OR2I1: variants seen among roughly 807,000 people sequenced by gnomAD.
OR2I1 encodes putative olfactory receptor 2I1.
At chr6:29,554,485 CTCTGCA>C in the OR2I1 span, 1 of 219,170 alleles carries the variant, frequency 4.6e-6, no homozygotes, top group Admixed American at 5.8e-5. Flanking sequence ...ACCTCTTGGT[CTCTGCA>C]ATCAGAAGTC....
At chr6:29,553,385 C>T in the OR2I1 span, 3 of 398,848 alleles carry the variant, frequency 7.5e-6, no homozygotes, top group East Asian at 3.6e-5. Context: ...CGCCTGCACA[C>T]GCCCATGTAC....
At chr6:29,555,798 T>C in the OR2I1 span, 1 of 1,144,702 alleles carries the variant, frequency 8.7e-7, no homozygotes, top group Non-Finnish European at 1.3e-6. Context: ...TTTTGGGAAA[T>C]CATCAGAAGA....
the OR2I1 span, chr6:29,550,840 C>T: frequency 6.6e-6 from 1 of 152,104 alleles, no homozygotes; most frequent in East Asian, 1.9e-4. Context: ...ACATTAGTGC[C>T]AAAGATTAGT....
chr6:29,555,741 C>T, the OR2I1 span: 1 of 645,220 alleles, frequency 1.5e-6, no homozygotes, highest in Non-Finnish European at 2.7e-6. Flanking sequence ...ATACTTCATC[C>T]TACCCATCCC....
the OR2I1 span, chr6:29,554,196 C>T: frequency 5.0e-6 from 2 of 398,722 alleles, no homozygotes; most frequent in Non-Finnish European, 8.8e-6. Flanking sequence ...AGTATTAAGC[C>T]AGAACCCAAG....
At chr6:29,550,518 T>C in the OR2I1 span, 1 of 152,228 alleles carries the variant, frequency 6.6e-6, no homozygotes, top group Admixed American at 6.5e-5. Context: ...AAGGCCCAGG[T>C]CCTTGTCTGG....
chr6:29,550,535 C>T, the OR2I1 span: 1 of 152,232 alleles, frequency 6.6e-6, no homozygotes, highest in African/African-American at 2.4e-5. Flanking sequence ...CTGGTCTGTA[C>T]CCCATTACAA....
chr6:29,554,632 C>T, the OR2I1 span: 1 of 153,132 alleles, frequency 6.5e-6, no homozygotes. Context: ...GTGCCCTCCC[C>T]GGGGCATTTC....
the OR2I1 span, chr6:29,555,530 A>G: frequency 3.9e-6 from 1 of 254,494 alleles, no homozygotes; most frequent in East Asian, 8.3e-5. Flanking sequence ...CCAACCTAAA[A>G]CTTACTCTCT....
the OR2I1 span, chr6:29,555,997 A>G: frequency 6.2e-7 from 1 of 1,613,124 alleles, no homozygotes; most frequent in South Asian, 1.1e-5. Context: ...TCTGGGTCTC[A>G]GGGATTATAC....
At chr6:29,554,458 ATGGAAGACCATGGAAGACCTC>A in the OR2I1 span, 2 of 246,216 alleles carry the variant, frequency 8.1e-6, no homozygotes, top group African/African-American at 4.5e-5. Flanking sequence ...TCCCTATCTG[ATGGAAGACCATGGAAGACCTC>A]TTGGTCTCTG....
the OR2I1 span, chr6:29,555,316 A>G: frequency 6.5e-6 from 1 of 152,918 alleles, no homozygotes; most frequent in East Asian, 1.9e-4. Flanking sequence ...AAAGGAGAAG[A>G]GGGGGGAAGG....
At chr6:29,556,573 C>T in the OR2I1 span, 12 of 518,604 alleles carry the variant, frequency 2.3e-5, no homozygotes, top group South Asian at 1.4e-4. Context: ...ACCTTTTTTT[C>T]GATCTTGAGA....
At chr6:29,551,312 CTT>C in the OR2I1 span, among the ~76,000 whole-genome samples, 1 of 152,188 alleles carries the variant, frequency 6.6e-6, no homozygotes, top group Non-Finnish European at 1.5e-5. Context: ...ATAGGTAAGA[CTT>C]TGCATGTCCT....
chr6:29,554,798 C>T, the OR2I1 span: 2 of 151,658 alleles, frequency 1.3e-5, no homozygotes, highest in East Asian at 1.9e-4. Flanking sequence ...CGTCTCAGCC[C>T]GTGAAAAAAA....
the OR2I1 span, chr6:29,552,990 T>C: frequency 2.7e-6 from 1 of 366,422 alleles, no homozygotes; most frequent in Non-Finnish European, 4.9e-6. Flanking sequence ...GTGATCATTC[T>C]GCCTACCGAG....
chr6:29,554,358 C>T, the OR2I1 span: 2 of 391,944 alleles, frequency 5.1e-6, no homozygotes, highest in Non-Finnish European at 9.0e-6. Flanking sequence ...CCTAAATCCT[C>T]TATATACTCA....
chr6:29,557,034 G>C, the OR2I1 span: 3 of 152,182 alleles, frequency 2.0e-5, no homozygotes, highest in Admixed American at 2.0e-4. Context: ...TCTCCCTTTT[G>C]CAGTTTAGAC....
the OR2I1 span, chr6:29,552,878 G>C: frequency 5.1e-6 from 1 of 195,832 alleles, no homozygotes; most frequent in Non-Finnish European, 1.0e-5. Flanking sequence ...AGGTCACTTA[G>C]GAGGCCCAAC....
Sources: gnomAD v4.1 joint callset for allele counts (sites outside exome capture counted in the v4.1 genomes callset) on GRCh38, gnomAD v4.1.1 for gene constraint, MANE v1.5 for transcripts, NCBI Gene and HGNC (gene_info 2026-07-23, HGNC 2026-07-21) for gene names.